KSR2: variants seen among roughly 807,000 people sequenced by gnomAD.
KSR2 encodes kinase suppressor of ras 2.
KSR2 carries 25 observed loss-of-function variants against 107.8 expected under a neutral mutation model. The ratio of observed to expected loss-of-function variants is 0.23; its 90% CI spans 0.17 to 0.32. The LOEUF is 0.32. KSR2 is among the 10% of genes least tolerant of loss of function. The pLI is 1.00. For missense variants in KSR2, 887 were observed against 1,268.9 expected, an observed-to-expected ratio of 0.70 and a Z score of 4.57; for synonymous variants, 480 against 507.0, an observed-to-expected ratio of 0.95 and a Z score of 0.71.
At chr12:117,801,456 G>A (rs1266894325) in intron 3 of KSR2, among the ~76,000 whole-genome samples, 4 of 152,046 alleles carry the variant, frequency 2.6e-5, no homozygotes, top group East Asian at 3.9e-4. Context: ...AAAGAAAAGA[G>A]GTTTCATTGG....
In KSR2 at chr12:117,539,813, C is replaced by T. The variant is rs762371454; in HGVS notation, c.1593G>A (p.Ser531=). The change falls in exon 10 of 20, where the codon TCG becomes TCA. Residue 531 remains serine (S), a synonymous_variant. Transcript: ENST00000339824. ...CACTAGGAGGGAGGGGGGGTGCTGGCGAGGAGGGCGTGGAGGACGTCGTGG... is the reference window on the plus strand; with the variant it reads ...CACTAGGAGGGAGGGGGGGTGCTGGTGAGGAGGGCGTGGAGGACGTCGTGG... The part of the protein sequence containing the change: ...PSSTTSSTPS[S]PAPPLPPSAT... 43 of 1,608,674 alleles carry T rather than the reference C, an allele frequency of 2.7e-5. No individual in the cohort carries two copies. The highest frequency in any genetic ancestry group is 1.7e-4 in the Middle Eastern group (1 of 5,862).
At chr12:117,840,183 C>T (rs76868027) in intron 3 of KSR2, among the ~76,000 whole-genome samples, 3 of 151,812 alleles carry the variant, frequency 2.0e-5, no homozygotes, top group South Asian at 2.1e-4. Flanking sequence ...CTGCAGCGTC[C>T]GCCTCCAGGG....
At chr12:117,851,592 A>G (rs1000116047) in intron 3 of KSR2, among the ~76,000 whole-genome samples, 2 of 151,932 alleles carry the variant, frequency 1.3e-5, no homozygotes, top group African/African-American at 4.8e-5. Context: ...TGTCTCAAAA[A>G]ACAAAAAATA....
intron 4 of KSR2, among the ~76,000 whole-genome samples, chr12:117,713,367 T>C (rs1041604995): frequency 1.5e-5 from 2 of 137,434 alleles, no homozygotes; most frequent in Non-Finnish European, 2.9e-5. Flanking sequence ...GATAGGTAGA[T>C]AGATAGACAT....
At position 117,462,826 on chromosome 12, in the gene KSR2, C is replaced by G. The variant is rs1870970120; in HGVS notation, c.*4373G>C. On this transcript the variant is annotated 3_prime_UTR_variant, in exon 20 of 20. Transcript: ENST00000339824. ...TGAGAACCAGTGTGGGGAAAGAAAG[C>G]CGGGGATGGGAATAAAATCACAGAG... 1 of 152,088 alleles carries G rather than the reference C, an allele frequency of 6.6e-6. No homozygotes were observed. Among genetic ancestry groups the G allele is most frequent in the Non-Finnish European group, 1.5e-5 (1 of 68,040 alleles). The allele number at this position is 152,088 out of a possible 1,614,324, so 9.4% of individuals were successfully genotyped here. A position where few individuals can be genotyped will look rare whatever the true frequency, so the allele number is the denominator to read the frequency against.
chr12:117,635,047 C>T (rs1271626121), intron 5 of KSR2, among the ~76,000 whole-genome samples: 1 of 152,184 alleles, frequency 6.6e-6, no homozygotes, highest in African/African-American at 2.4e-5. Flanking sequence ...CAGACATCCA[C>T]ACACAGCAAA....
intron 1 of KSR2, among the ~76,000 whole-genome samples, chr12:117,923,001 C>G (rs750874894): frequency 6.6e-6 from 1 of 152,288 alleles, no homozygotes; most frequent in South Asian, 2.1e-4. Context: ...AGAAAGGTGA[C>G]GCTCTACCTT....
intron 5 of KSR2, 112 bp from the exon 6 acceptor site, chr12:117,582,471 G>A (rs1879727385): frequency 1.3e-6 from 1 of 765,318 alleles, no homozygotes; most frequent in African/African-American, 1.7e-5. Context: ...GATACCAGTT[G>A]CCATCACTTG....
At chr12:117,656,941 G>GATATATATAT (rs71099068) in intron 5 of KSR2, among the ~76,000 whole-genome samples, 12 of 102,468 alleles carry the variant, frequency 1.2e-4, no homozygotes, top group African/African-American at 5.0e-4. Context: ...TATATAATAG[G>GATATATATAT]ATATATATAT....
At chr12:117,646,465 C>T (rs1883647679) in intron 5 of KSR2, among the ~76,000 whole-genome samples, 1 of 152,150 alleles carries the variant, frequency 6.6e-6, no homozygotes. Context: ...CCCAAGGTGA[C>T]CCTACCGGGG....
At chr12:117,643,656 C>T (rs1883481821) in intron 5 of KSR2, among the ~76,000 whole-genome samples, 2 of 152,136 alleles carry the variant, frequency 1.3e-5, no homozygotes, top group Non-Finnish European at 2.9e-5. Flanking sequence ...AAATCATCAC[C>T]AGGTCCTAAC....
At chr12:117,803,208 C>T (rs1890894301) in intron 3 of KSR2, among the ~76,000 whole-genome samples, 3 of 152,172 alleles carry the variant, frequency 2.0e-5, no homozygotes, top group African/African-American at 7.2e-5. Context: ...AGGACTTCAG[C>T]CTCTCCTTTA....
At chr12:117,928,697 C>A (rs1895609989) in intron 1 of KSR2, among the ~76,000 whole-genome samples, 1 of 152,196 alleles carries the variant, frequency 6.6e-6, no homozygotes, top group African/African-American at 2.4e-5. Flanking sequence ...AGCAGAATTG[C>A]TAGATCATAT....
At position 117,780,816 on chromosome 12, in the gene KSR2, ATGTCTAGCAC is replaced by A. The variant is rs372943244; in HGVS notation, c.473-19302_473-19293del. On this transcript the variant is annotated intron_variant, in intron 3 of 19. Coordinates refer to ENST00000339824, the MANE Select transcript of KSR2 (RefSeq NM_173598.6). ...CCATGATCTTTCTCTTGGACATACA[ATGTCTAGCAC>A]ACATCTGGAAGAAGAGATGGGCGCT... Among the ~76,000 whole-genome samples, 16 of 152,340 alleles carry A rather than the reference ATGTCTAGCAC, an allele frequency of 1.1e-4. No homozygotes were observed. The East Asian group carries it at 1.5e-3, about 15-fold the overall frequency.
chr12:117,558,430 T>C (rs1877856337), intron 8 of KSR2, 76 bp downstream of exon 8: 2 of 1,154,532 alleles, frequency 1.7e-6, no homozygotes, highest in South Asian at 1.2e-5. Context: ...ACCAACCTGA[T>C]GGGACAGCTA....
At chr12:117,654,086 C>A (rs532049973) in intron 5 of KSR2, among the ~76,000 whole-genome samples, 1 of 152,300 alleles carries the variant, frequency 6.6e-6, no homozygotes, top group South Asian at 2.1e-4. Context: ...CAGCTCTTGG[C>A]CTGTTACTAA....
intron 3 of KSR2, among the ~76,000 whole-genome samples, chr12:117,767,394 T>A (rs112998061): frequency 1.1e-3 from 142 of 132,068 alleles, no homozygotes; most frequent in Middle Eastern, 9.6e-3. Flanking sequence ...CCGAGATCGC[T>A]CCACTGCACT....
intron 1 of KSR2, among the ~76,000 whole-genome samples, chr12:117,944,235 G>T (rs1388937535): frequency 1.3e-5 from 2 of 152,080 alleles, no homozygotes; most frequent in South Asian, 4.1e-4. Flanking sequence ...AATTAGCCAG[G>T]CATGGTGGTG....
At chr12:117,679,720 G>C (rs1196791054) in intron 4 of KSR2, among the ~76,000 whole-genome samples, 1 of 152,086 alleles carries the variant, frequency 6.6e-6, no homozygotes, top group Non-Finnish European at 1.5e-5. Flanking sequence ...CTGGGTTATG[G>C]CTAGGGCATG....
Sources: allele counts gnomAD v4.1 joint callset (sites outside exome capture counted in the v4.1 genomes callset), GRCh38; gene constraint gnomAD v4.1.1; transcripts MANE v1.5; gene names NCBI Gene and HGNC (gene_info 2026-07-23, HGNC 2026-07-21).